CCSER1: variants seen among roughly 807,000 people sequenced by gnomAD.
CCSER1 encodes coiled-coil serine rich protein 1.
Under a neutral mutation model 82.0 loss-of-function variants are expected in CCSER1, and 41 were observed. The observed-to-expected ratio is 0.50, with a 90% CI of 0.39 to 0.65. The LOEUF (loss-of-function observed/expected upper bound fraction) is 0.65. CCSER1 is among the 30% of genes least tolerant of loss of function. The probability of loss-of-function intolerance (pLI) is 0.00; values close to 1 mark genes in which losing one functional copy is unlikely to be tolerated. For missense variants in CCSER1, 1,119 were observed against 1,064.2 expected (o/e 1.05, Z -0.72); for synonymous variants, 414 against 383.9 (o/e 1.08, Z -0.92).
At chr4:90,162,447 A>G (rs892154075) in intron 1 of CCSER1, among the ~76,000 whole-genome samples, 10 of 152,154 alleles carry the variant, frequency 6.6e-5, no homozygotes, top group African/African-American at 2.4e-4. Context: ...AAGTATATAA[A>G]AATTAGTCTT....
chr4:91,598,838 C>T lies in CCSER1; in HGVS notation c.2484C>T (p.Ser828=), dbSNP rs1481683496. 1.3e-6 allele frequency: 2 copies of T among 1,551,624 alleles called. No individual in the cohort carries two copies. The highest frequency in any genetic ancestry group is 1.7e-6 in the Non-Finnish European group (2 of 1,146,918). ...TQNLRATVGQ[S]SLKPTAKTEG... ...ACTTACGGGCCACCGTTGGGCAGAG[C>T]TCTCTGAAGCCAACAGCTAAGACAG... Residue 828 remains serine, a synonymous_variant, in exon 11 of 11, where the codon AGC becomes AGT. Transcript: ENST00000509176.
At chr4:90,341,644 A>G (rs1407095850) in intron 3 of CCSER1, among the ~76,000 whole-genome samples, 1 of 149,494 alleles carries the variant, frequency 6.7e-6, no homozygotes, top group African/African-American at 2.5e-5. Context: ...ATTGTGTTTT[A>G]TGATCTATGG....
chr4:91,268,748 G>T (rs1371989296), intron 10 of CCSER1, among the ~76,000 whole-genome samples: 2 of 152,200 alleles, frequency 1.3e-5, no homozygotes, highest in Non-Finnish European at 2.9e-5. Flanking sequence ...CAGGGGCGGG[G>T]TCACAAGGTG....
intron 5 of CCSER1, among the ~76,000 whole-genome samples, chr4:90,549,702 C>A (rs6835557): frequency 0.051 from 7,696 of 151,734 alleles, 247 homozygotes; most frequent in Middle Eastern, 0.11. Context: ...GACTATAAGC[C>A]TTACTGTGTA....
At position 90,129,533 on chromosome 4, in the gene CCSER1, C is replaced by T. The variant is rs770062922; in HGVS notation, c.-42+1702C>T. 4.6e-5 allele frequency among the ~76,000 whole-genome samples: 7 copies of T among 152,282 alleles called. No individual in the cohort carries two copies. In the East Asian group the frequency reaches 9.7e-4, roughly 21 times the overall value. On this transcript the variant is annotated intron_variant, in intron 1 of 10. Coordinates refer to ENST00000509176, the MANE Select transcript of CCSER1 (RefSeq NM_001145065.2). ...CTTAATATTGCAAACTGAAATGTCTCTAAAAGCCTGCCAAGACAATGTTTT... is the reference window on the plus strand; with the variant it reads ...CTTAATATTGCAAACTGAAATGTCTTTAAAAGCCTGCCAAGACAATGTTTT...
intron 5 of CCSER1, among the ~76,000 whole-genome samples, chr4:90,496,849 T>A (rs892988287): frequency 2.0e-5 from 3 of 151,694 alleles, no homozygotes; most frequent in Non-Finnish European, 4.4e-5. Flanking sequence ...TGGTGGCTCA[T>A]GCCTGTTGTT....
chr4:91,296,057 T>C (rs1744138081), intron 10 of CCSER1, among the ~76,000 whole-genome samples: 1 of 151,870 alleles, frequency 6.6e-6, no homozygotes, highest in African/African-American at 2.4e-5. Flanking sequence ...TTCCTCAAAA[T>C]CTTAATTTGA....
chr4:91,502,650 A>G (rs1344728804), intron 10 of CCSER1, among the ~76,000 whole-genome samples: 1 of 152,198 alleles, frequency 6.6e-6, no homozygotes, highest in Non-Finnish European at 1.5e-5. Flanking sequence ...GCCATCCTTA[A>G]TTATTGCCAT....
At chr4:91,122,327 A>G (rs1263708363) in intron 10 of CCSER1, among the ~76,000 whole-genome samples, 1 of 151,788 alleles carries the variant, frequency 6.6e-6, no homozygotes, top group Non-Finnish European at 1.5e-5. Context: ...ATAATTTACT[A>G]TTGATACTCA....
At chr4:90,473,576 T>C (rs1333790970) in intron 5 of CCSER1, among the ~76,000 whole-genome samples, 2 of 152,324 alleles carry the variant, frequency 1.3e-5, no homozygotes. Context: ...AAACGTCTCA[T>C]TTTTAAAGAA....
At chr4:91,411,792 C>A (rs1216717561) in intron 10 of CCSER1, among the ~76,000 whole-genome samples, 3 of 150,408 alleles carry the variant, frequency 2.0e-5, no homozygotes, top group Non-Finnish European at 3.0e-5. Context: ...AGGATTTTGA[C>A]CCCCAGGATC....
chr4:90,918,510 A>T (rs946568214), intron 8 of CCSER1, among the ~76,000 whole-genome samples: 3 of 151,796 alleles, frequency 2.0e-5, no homozygotes, highest in African/African-American at 7.3e-5. Flanking sequence ...CTTGGTTTTG[A>T]TTTCTACCAC....
chr4:91,505,360 T>G (rs1429745015), intron 10 of CCSER1, among the ~76,000 whole-genome samples: 1 of 152,238 alleles, frequency 6.6e-6, no homozygotes, highest in Admixed American at 6.5e-5. Flanking sequence ...GGCATTTAGG[T>G]TGATTCCATG....
At chr4:90,857,518 A>G (rs563106103) in intron 8 of CCSER1, among the ~76,000 whole-genome samples, 1 of 152,100 alleles carries the variant, frequency 6.6e-6, no homozygotes, top group Non-Finnish European at 1.5e-5. Context: ...TATTCTATTC[A>G]TTAGAAGCAG....
At chr4:91,169,371 A>C (rs980089476) in intron 10 of CCSER1, among the ~76,000 whole-genome samples, 1 of 152,126 alleles carries the variant, frequency 6.6e-6, no homozygotes, top group Non-Finnish European at 1.5e-5. Context: ...CTATAATCCC[A>C]GCACTTTGGG....
intron 5 of CCSER1, among the ~76,000 whole-genome samples, chr4:90,620,820 A>AT (rs1201973276): frequency 2.6e-5 from 4 of 151,756 alleles, no homozygotes; most frequent in Non-Finnish European, 4.4e-5. Flanking sequence ...TCTTTCTTTT[A>AT]TTTTTTTTAA....
chr4:90,341,048 T>C (rs1741285363), intron 3 of CCSER1, among the ~76,000 whole-genome samples: 1 of 152,066 alleles, frequency 6.6e-6, no homozygotes, highest in South Asian at 2.1e-4. Flanking sequence ...AAGAGAGCTG[T>C]GATATAATGT....
At chr4:90,604,745 G>T (rs1269236561) in intron 5 of CCSER1, among the ~76,000 whole-genome samples, 10 of 152,150 alleles carry the variant, frequency 6.6e-5, no homozygotes, top group Non-Finnish European at 1.3e-4. Context: ...AGTGCTGTGT[G>T]TCTAGCTCAT....
At chr4:91,156,796 A>C (rs770814058) in intron 10 of CCSER1, among the ~76,000 whole-genome samples, 2 of 151,732 alleles carry the variant, frequency 1.3e-5, no homozygotes, top group Non-Finnish European at 2.9e-5. Context: ...TTCTTCACTT[A>C]TGCCCTAGAT....
Sources: gnomAD v4.1 joint callset for allele counts (sites outside exome capture counted in the v4.1 genomes callset) on GRCh38, gnomAD v4.1.1 for gene constraint, MANE v1.5 for transcripts, NCBI Gene and HGNC (gene_info 2026-07-23, HGNC 2026-07-21) for gene names.